SPATA13: variants seen among roughly 807,000 people sequenced by gnomAD.
SPATA13 encodes the protein spermatogenesis-associated protein 13.
In SPATA13, 50 loss-of-function variants were observed where a neutral mutation model predicts 104.0. The observed-to-expected ratio is 0.48, with a 90% CI of 0.38 to 0.61. SPATA13 has a LOEUF of 0.61. SPATA13 is among the 20% of genes least tolerant of loss of function. SPATA13 has a pLI of 0.00. For missense variants in SPATA13, 1,524 were observed against 1,690.6 expected, an observed-to-expected ratio of 0.90 and a Z score of 1.73; for synonymous variants, 606 against 667.5, an observed-to-expected ratio of 0.91 and a Z score of 1.42.
intron 3 of SPATA13, among the ~76,000 whole-genome samples, chr13:24,082,542 C>T (rs1015705996): frequency 3.3e-5 from 5 of 152,008 alleles, no homozygotes; most frequent in African/African-American, 9.7e-5. Context: ...GATCTTTGGC[C>T]GGGCGCGGTG....
chr13:24,192,466 C>T (rs893983775), intron 1 of SPATA13, among the ~76,000 whole-genome samples: 5 of 152,094 alleles, frequency 3.3e-5, no homozygotes, highest in Admixed American at 3.3e-4. Context: ...TCCTCCTACC[C>T]GCTGAAACAG....
At chr13:24,235,833 T>C (rs1872537064) in intron 2 of SPATA13, among the ~76,000 whole-genome samples, 1 of 152,248 alleles carries the variant, frequency 6.6e-6, no homozygotes, top group South Asian at 2.1e-4. Context: ...TACTGAGAAC[T>C]AGAATTTTTA....
At chr13:24,092,193 C>T (rs971294539) in intron 3 of SPATA13, among the ~76,000 whole-genome samples, 2 of 152,160 alleles carry the variant, frequency 1.3e-5, no homozygotes, top group African/African-American at 4.8e-5. Flanking sequence ...ATAACTTCTC[C>T]AATGTTGATC....
At chr13:24,215,879 G>A (rs1260543550) in intron 1 of SPATA13, among the ~76,000 whole-genome samples, 1 of 152,216 alleles carries the variant, frequency 6.6e-6, no homozygotes, top group Non-Finnish European at 1.5e-5. Flanking sequence ...AATGGTAAAT[G>A]TGGGGGAGGT....
chr13:24,057,066 T>C (rs1878584969), intron 3 of SPATA13, among the ~76,000 whole-genome samples: 2 of 151,456 alleles, frequency 1.3e-5, no homozygotes, highest in South Asian at 4.2e-4. Context: ...TCTTTTTTTT[T>C]TTTCTTTTTT....
chr13:24,298,272 A>C (rs1280383326), intron 11 of SPATA13, among the ~76,000 whole-genome samples: 1 of 152,148 alleles, frequency 6.6e-6, no homozygotes, highest in Non-Finnish European at 1.5e-5. Context: ...CAATACCTTC[A>C]GTGTTCTTCA....
intron 1 of SPATA13, among the ~76,000 whole-genome samples, chr13:24,200,809 T>G (rs1870353166): frequency 1.3e-5 from 2 of 151,678 alleles, no homozygotes; most frequent in South Asian, 4.2e-4. Flanking sequence ...TCACATCAAG[T>G]TTAAAACAAA....
intron 2 of SPATA13, among the ~76,000 whole-genome samples, chr13:24,008,647 G>A (rs1432118720): frequency 6.6e-6 from 1 of 152,100 alleles, no homozygotes; most frequent in African/African-American, 2.4e-5. Context: ...ATGAAGAGAA[G>A]GGGAACACTG....
intron 3 of SPATA13, among the ~76,000 whole-genome samples, chr13:24,040,388 T>G (rs1877873413): frequency 6.6e-6 from 1 of 152,176 alleles, no homozygotes; most frequent in Admixed American, 6.5e-5. Flanking sequence ...CAACAGCATC[T>G]GTCTATATGT....
chr13:24,253,729 G>A (rs879868367), intron 4 of SPATA13, among the ~76,000 whole-genome samples: 1 of 152,166 alleles, frequency 6.6e-6, no homozygotes, highest in Non-Finnish European at 1.5e-5. Context: ...CTGGGGACAG[G>A]TGAGTAGGAG....
chr13:24,276,355 A>C (rs1470406121), intron 4 of SPATA13, among the ~76,000 whole-genome samples: 3 of 152,276 alleles, frequency 2.0e-5, no homozygotes, highest in African/African-American at 7.2e-5. Flanking sequence ...CACTTGGTAC[A>C]CATGAATGGA....
At chr13:24,124,142 T>C (rs1286877660) in intron 3 of SPATA13, among the ~76,000 whole-genome samples, 2 of 152,162 alleles carry the variant, frequency 1.3e-5, no homozygotes, top group Non-Finnish European at 2.9e-5. Flanking sequence ...AACATACAAA[T>C]TCACCAAAGA....
chr13:24,112,773 T>C (rs775773033), intron 3 of SPATA13, among the ~76,000 whole-genome samples: 2 of 152,260 alleles, frequency 1.3e-5, no homozygotes, highest in Non-Finnish European at 2.9e-5. Context: ...ATCCTTCTTC[T>C]GTAAGACCTT....
In SPATA13 at chr13:24,011,502, G is replaced by A; in HGVS notation, c.-146-6165G>A. On this transcript the variant is annotated intron_variant, in intron 2 of 14. Coordinates refer to the SPATA13 transcript ENST00000424834. The surrounding 1 kb of genome is among the most constrained non-coding windows in gnomAD (Gnocchi z 4.3). ...TGGTGAGGACAGAACCTGGAATTCT[G>A]TTGCCACGCTCCCTGTCCTGGCTGG... Among the ~76,000 whole-genome samples, 1 of 152,178 alleles carries A rather than the reference G, an allele frequency of 6.6e-6. No homozygotes were observed. Among genetic ancestry groups the A allele is most frequent in the Non-Finnish European group, 1.5e-5 (1 of 68,028 alleles).
At chr13:24,212,421 G>A (rs765487014) in intron 1 of SPATA13, among the ~76,000 whole-genome samples, 30 of 152,082 alleles carry the variant, frequency 2.0e-4, no homozygotes, top group Admixed American at 1.7e-3. Context: ...CTTTGCCTGC[G>A]TTCCTTGCTT....
intron 3 of SPATA13, among the ~76,000 whole-genome samples, chr13:24,127,938 A>T (rs182053067): frequency 6.6e-6 from 1 of 152,244 alleles, no homozygotes; most frequent in African/African-American, 2.4e-5. Context: ...CAGAATGATG[A>T]TGTAATGAAC....
At position 24,284,264 on chromosome 13, in the gene SPATA13, T is replaced by A. The variant is rs1165336436; in HGVS notation, c.2294T>A (p.Ile765Asn). ...YLQPGGEQLA[I>N]NELISDGNVV... ...CAGCCCGGCGGGGAGCAGCTGGCCATCAATGAGGTACTGGAATTCCACACG... is the reference window on the plus strand; with the variant it reads ...CAGCCCGGCGGGGAGCAGCTGGCCAACAATGAGGTACTGGAATTCCACACG... The change falls in exon 5 of 13, where the codon ATC becomes AAC. Residue 765 changes from isoleucine to asparagine, a missense_variant. Physicochemically the swap from Ile to Asn is moderately radical, Grantham distance 149. Around this residue, in one of 2 missense-constraint regions of SPATA13, gnomAD observed 1,089 missense variants for 1,135.9 expected, o/e 0.96. Transcript: ENST00000382108. 1.2e-6 allele frequency: 2 copies of A among 1,613,392 alleles called. No homozygotes were observed. Among genetic ancestry groups the A allele is most frequent in the Non-Finnish European group, 1.7e-6 (2 of 1,179,686 alleles).
chr13:24,268,485 G>A (rs185376754), intron 4 of SPATA13, among the ~76,000 whole-genome samples: 11 of 152,310 alleles, frequency 7.2e-5, no homozygotes, highest in South Asian at 4.1e-4. Flanking sequence ...GAGGCTGGGC[G>A]CAGTGGCTCA....
intron 3 of SPATA13, among the ~76,000 whole-genome samples, chr13:24,090,480 C>T (rs1300967569): frequency 6.6e-6 from 1 of 152,214 alleles, no homozygotes; most frequent in Non-Finnish European, 1.5e-5. Flanking sequence ...CGTCCCCTCA[C>T]CGAACGGTGT....
Sources: allele counts gnomAD v4.1 joint callset (sites outside exome capture counted in the v4.1 genomes callset), GRCh38; gene constraint gnomAD v4.1.1; regional missense constraint gnomAD v4.1.1; non-coding constraint Gnocchi (gnomAD v3.1); transcripts MANE v1.5; gene names NCBI Gene and HGNC (gene_info 2026-07-23, HGNC 2026-07-21).